The following SLIT3 variants were observed in gnomAD, a reference collection of about 807,000 sequenced individuals.
SLIT3 encodes the protein slit guidance ligand 3.
In SLIT3, 68 loss-of-function variants were observed where a neutral mutation model predicts 184.0. The observed-to-expected ratio is 0.37, with a 90% CI of 0.30 to 0.45. The LOEUF is 0.45. Ranked by LOEUF, SLIT3 falls within the 20% of genes least tolerant of loss-of-function variation. SLIT3 has a pLI of 1.00. For missense variants in SLIT3, 1,707 were observed against 2,026.0 expected, an observed-to-expected ratio of 0.84 and a Z score of 3.02; for synonymous variants, 831 against 828.6, an observed-to-expected ratio of 1.00 and a Z score of -0.05.
At chr5:168,772,570 TTGTGTGTGTG>T (rs538634517) in intron 14 of SLIT3, 8 of 497,208 alleles carry the variant, frequency 1.6e-5, no homozygotes, top group East Asian at 1.4e-4. Flanking sequence ...CATGCTTTTA[TTGTGTGTGTG>T]TGTGTGTGTG....
At chr5:168,827,553 C>T (rs1052172285) in intron 6 of SLIT3, among the ~76,000 whole-genome samples, 4 of 152,222 alleles carry the variant, frequency 2.6e-5, no homozygotes, top group African/African-American at 9.6e-5. Flanking sequence ...TCTTACAAGG[C>T]CCCTCGTGAT....
At chr5:168,963,079 G>A (rs866242526) in intron 4 of SLIT3, among the ~76,000 whole-genome samples, 3 of 152,138 alleles carry the variant, frequency 2.0e-5, no homozygotes, top group Non-Finnish European at 4.4e-5. Context: ...TTCATTTGGC[G>A]AGGGGTTGGC....
chr5:169,238,848 C>G (rs941707089), intron 3 of SLIT3, among the ~76,000 whole-genome samples: 3 of 152,248 alleles, frequency 2.0e-5, no homozygotes, highest in Middle Eastern at 3.4e-3. Context: ...TTCCTTTGTA[C>G]TTACCATGAA....
intron 4 of SLIT3, among the ~76,000 whole-genome samples, chr5:169,125,640 C>T (rs797005224): frequency 9.9e-5 from 15 of 152,246 alleles, no homozygotes; most frequent in African/African-American, 2.2e-4. Context: ...CAGTGACAAA[C>T]GGCAGCTGGC....
At chr5:168,860,096 T>C (rs1478040436) in intron 5 of SLIT3, among the ~76,000 whole-genome samples, 1 of 152,190 alleles carries the variant, frequency 6.6e-6, no homozygotes, top group Non-Finnish European at 1.5e-5. Context: ...CTCTGGGTGG[T>C]TGCAGCTATA....
chr5:169,203,960 C>T (rs997453210), intron 3 of SLIT3, among the ~76,000 whole-genome samples: 15 of 152,116 alleles, frequency 9.9e-5, no homozygotes, highest in African/African-American at 3.1e-4. Flanking sequence ...TGGATATACA[C>T]ATATGGGGCA....
chr5:168,935,936 C>A (rs932727093), intron 4 of SLIT3, among the ~76,000 whole-genome samples: 1 of 152,194 alleles, frequency 6.6e-6, no homozygotes, highest in South Asian at 2.1e-4. Flanking sequence ...TTATATTTGT[C>A]TGGCAACTGA....
At chr5:168,774,889 C>T (rs944437535) in intron 12 of SLIT3, among the ~76,000 whole-genome samples, 11 of 152,168 alleles carry the variant, frequency 7.2e-5, no homozygotes, top group African/African-American at 2.7e-4. Context: ...TAGGCAGGCA[C>T]ATGTGCATAC....
chr5:168,905,308 G>A (rs1250736506), intron 4 of SLIT3, among the ~76,000 whole-genome samples: 1 of 152,180 alleles, frequency 6.6e-6, no homozygotes, highest in Non-Finnish European at 1.5e-5. Flanking sequence ...GGGTGCAAAT[G>A]TACCTAGATC....
chr5:168,776,784 G>A, intron 12 of SLIT3, among the ~76,000 whole-genome samples: 1 of 152,044 alleles, frequency 6.6e-6, no homozygotes. Flanking sequence ...GACTCAACGG[G>A]GTCCAGCAAC....
chr5:168,967,525 C>CGCCTCCCG (rs1763248647), intron 4 of SLIT3, among the ~76,000 whole-genome samples: 1 of 109,138 alleles, frequency 9.2e-6, no homozygotes, highest in Non-Finnish European at 1.9e-5. Context: ...CTGCAAGCTC[C>CGCCTCCCG]GCCTCCCGGG....
rs1044234461 is a variant in SLIT3 at position 169,192,423 on chromosome 5, C to CTCTGTGTGTGTGTGTGTG, written c.413+1055_413+1056insCACACACACACACACAGA. 2.2e-4 allele frequency among the ~76,000 whole-genome samples: 32 copies of CTCTGTGTGTGTGTGTGTG among 148,276 alleles called. No homozygotes were observed. In the East Asian group the frequency reaches 3.4e-3, roughly 16 times the overall value. Reference sequence around the variant, plus strand: ...TAAAATAAATTTATGTATATAGTCTCTGTGTGTGTGTGTGTGTGTGTGTGT... The same window carrying CTCTGTGTGTGTGTGTGTG: ...TAAAATAAATTTATGTATATAGTCTCTCTGTGTGTGTGTGTGTGTGTGTGTGTGTGTGTGTGTGTGTGT... On this transcript the variant is annotated intron_variant, in intron 4 of 35. Transcript: ENST00000519560.
intron 4 of SLIT3, among the ~76,000 whole-genome samples, chr5:169,075,815 T>C (rs575604625): frequency 2.4e-4 from 37 of 152,358 alleles, no homozygotes; most frequent in Admixed American, 7.2e-4. Context: ...TCTCCAGCCA[T>C]GCTAGTAAAG....
At chr5:169,220,905 C>A (rs761652603) in intron 3 of SLIT3, among the ~76,000 whole-genome samples, 1 of 152,178 alleles carries the variant, frequency 6.6e-6, no homozygotes, top group Non-Finnish European at 1.5e-5. Context: ...CCCCCAACTT[C>A]TCCCTTCTGT....
chr5:169,107,089 C>A (rs1292520757), intron 4 of SLIT3, among the ~76,000 whole-genome samples: 1 of 152,230 alleles, frequency 6.6e-6, no homozygotes, highest in East Asian at 1.9e-4. Context: ...TTCAGCCAGG[C>A]CTTCCTTTGC....
Position 168,749,523 on chromosome 5 carries a change from G to T in SLIT3, c.2086C>A (p.Leu696Ile). 1.2e-6 allele frequency: 2 copies of T among 1,614,170 alleles called. No individual in the cohort carries two copies. The highest frequency in any genetic ancestry group is 1.7e-6 in the Non-Finnish European group (2 of 1,180,022). The change falls in exon 19 of 36, where the codon CTC becomes ATC. Residue 696 changes from leucine (L) to isoleucine (I), a missense_variant. Around this residue, in one of 3 missense-constraint regions of SLIT3, gnomAD observed 1,307 missense variants for 1,511.6 expected, o/e 0.86. Coordinates refer to ENST00000519560, the MANE Select transcript of SLIT3 (RefSeq NM_003062.4). ...GNPRCQKPFF[L>I]KEIPIQDVAI... ...ACATCCTGGATGGGAATCTCCTTGA[G>T]GAAAAATGGCTTCTGGCACCTAGGG...
intron 32 of SLIT3, among the ~76,000 whole-genome samples, chr5:168,680,523 C>T (rs1761554113): frequency 1.3e-5 from 2 of 152,252 alleles, no homozygotes; most frequent in Non-Finnish European, 2.9e-5. Context: ...CTGGTGGCTG[C>T]CAACTCCCCC....
chr5:169,148,098 A>C lies in SLIT3; in HGVS notation c.413+45381T>G, dbSNP rs912788270. Among the ~76,000 whole-genome samples, 4 of 152,098 alleles carry C rather than the reference A, an allele frequency of 2.6e-5. 1 individual carries two copies. Among genetic ancestry groups the C allele is most frequent in the African/African-American group, 9.7e-5 (4 of 41,410 alleles). On this transcript the variant is annotated intron_variant, in intron 4 of 35. Transcript: ENST00000519560. ...TCATATCTCCACGTACCAGGTTCCA[A>C]TCTCAGGTCCTCCTTCCATGCAGCT...
At chr5:169,103,680 T>G (rs295992) in intron 4 of SLIT3, among the ~76,000 whole-genome samples, 3,284 of 152,352 alleles carry the variant, frequency 0.022, 129 homozygotes, top group African/African-American at 0.075. Flanking sequence ...AGGGTGGAAC[T>G]GCTTGCAGCC....
Sources: allele counts gnomAD v4.1 joint callset (sites outside exome capture counted in the v4.1 genomes callset), GRCh38; gene constraint gnomAD v4.1.1; regional missense constraint gnomAD v4.1.1; transcripts MANE v1.5; gene names NCBI Gene and HGNC (gene_info 2026-07-23, HGNC 2026-07-21).